The following ZNF385D variants were observed in gnomAD, a reference collection of about 807,000 sequenced individuals.
ZNF385D encodes the protein zinc finger protein 659.
ZNF385D carries 15 observed loss-of-function variants against 35.8 expected under a neutral mutation model. That is an observed-to-expected ratio of 0.42 (90% CI 0.28 to 0.64). The LOEUF (loss-of-function observed/expected upper bound fraction) is 0.64, where lower values mean the gene tolerates loss of function less well. Ranked by LOEUF, ZNF385D falls within the 30% of genes least tolerant of loss-of-function variation. ZNF385D has a pLI of 0.23. For missense variants in ZNF385D, 474 were observed against 494.6 expected (o/e 0.96, Z 0.39); for synonymous variants, 212 against 186.8 (o/e 1.13, Z -1.10).
At chr3:21,701,359 C>T (rs1472040372) in intron 1 of ZNF385D, among the ~76,000 whole-genome samples, 1 of 152,012 alleles carries the variant, frequency 6.6e-6, no homozygotes, top group East Asian at 1.9e-4. Context: ...CGTCAGATCT[C>T]GTGAGACTTA....
chr3:22,133,070 T>G (rs1703894122), intron 3 of ZNF385D, among the ~76,000 whole-genome samples: 1 of 152,170 alleles, frequency 6.6e-6, no homozygotes, highest in African/African-American at 2.4e-5. Context: ...GCTAATTGAC[T>G]TATTAAATGA....
At chr3:21,768,409 C>A (rs1045830892) in intron 3 of ZNF385D, among the ~76,000 whole-genome samples, 10 of 152,004 alleles carry the variant, frequency 6.6e-5, no homozygotes, top group Non-Finnish European at 1.5e-4. Flanking sequence ...CTTTCCCCAC[C>A]TAGACAACAA....
chr3:21,751,034 G>T lies in ZNF385D; in HGVS notation c.-118C>A. ...GGTGGAAATGTCCCCGGCGTGGAGA[G>T]CAGTGAGCGCCGAGAGCGTGCCTCC... On this transcript the variant is annotated 5_prime_UTR_variant, in exon 1 of 8. Transcript: ENST00000281523. The T allele has an allele frequency of 3.2e-6, 5 of 1,579,318 alleles. No homozygotes were observed. Among genetic ancestry groups the T allele is most frequent in the Non-Finnish European group, 4.3e-6 (5 of 1,162,590 alleles).
chr3:21,967,908 A>T (rs1219537418), intron 3 of ZNF385D, among the ~76,000 whole-genome samples: 2 of 152,228 alleles, frequency 1.3e-5, no homozygotes, highest in African/African-American at 4.8e-5. Flanking sequence ...AGAACTAAAA[A>T]TCAGGTGAGC....
At position 22,197,752 on chromosome 3, in the gene ZNF385D, C is replaced by T. The variant is rs570459789; in HGVS notation, c.107-28717G>A. ...TGCATTCTGTTCAGATTCTGGGACT[C>T]ATGACCCTGCATGGTTTAGGATAAG... On this transcript the variant is annotated intron_variant, in intron 2 of 5. Coordinates refer to the ZNF385D transcript ENST00000494108. 6.6e-5 allele frequency among the ~76,000 whole-genome samples: 10 copies of T among 152,216 alleles called. No individual in the cohort carries two copies. In the East Asian group the frequency reaches 7.7e-4, roughly 12 times the overall value.
chr3:22,088,633 C>T (rs1301245831), intron 3 of ZNF385D, among the ~76,000 whole-genome samples: 1 of 152,096 alleles, frequency 6.6e-6, no homozygotes, highest in Non-Finnish European at 1.5e-5. Flanking sequence ...TGTAGATGTG[C>T]CAGAACCTTG....
chr3:22,207,874 A>G (rs1697258656), intron 2 of ZNF385D, among the ~76,000 whole-genome samples: 1 of 151,972 alleles, frequency 6.6e-6, no homozygotes, highest in Admixed American at 6.6e-5. Context: ...CCCAGCTACA[A>G]TGAGATGTCA....
intron 5 of ZNF385D, among the ~76,000 whole-genome samples, chr3:21,426,111 C>T (rs1389302784): frequency 6.6e-6 from 1 of 152,052 alleles, no homozygotes; most frequent in Non-Finnish European, 1.5e-5. Context: ...CAAGTGTAAT[C>T]AGTTTAAACA....
intron 1 of ZNF385D, among the ~76,000 whole-genome samples, chr3:21,749,355 CT>C (rs2069944473): frequency 6.6e-6 from 1 of 152,114 alleles, no homozygotes; most frequent in Non-Finnish European, 1.5e-5. Flanking sequence ...GACTCTACTG[CT>C]ATTCTAATTG....
chr3:21,479,149 TG>T (rs1312074033), intron 4 of ZNF385D, among the ~76,000 whole-genome samples: 8 of 104,890 alleles, frequency 7.6e-5, no homozygotes, highest in Middle Eastern at 3.9e-3. Flanking sequence ...CTAGAAGTAT[TG>T]TTTTTTTTTT....
intron 1 of ZNF385D, among the ~76,000 whole-genome samples, chr3:21,706,221 A>G (rs2067893271): frequency 6.6e-6 from 1 of 152,198 alleles, no homozygotes; most frequent in Non-Finnish European, 1.5e-5. Context: ...TCACACTGGC[A>G]AAACAAAACT....
At position 21,595,481 on chromosome 3, in the gene ZNF385D, G is replaced by A. The variant is rs28620340; in HGVS notation, c.166-30797C>T. Among the ~76,000 whole-genome samples the A allele has an allele frequency of 3.5e-3, 522 of 148,584 alleles. 3 individuals carry two copies. The highest frequency in any genetic ancestry group is 0.012 in the African/African-American group (492 of 40,470). On this transcript the variant is annotated intron_variant, in intron 2 of 7. Coordinates refer to ENST00000281523, the MANE Select transcript of ZNF385D (RefSeq NM_024697.3). ...GTATATGTAATATATAATTATATAT[G>A]TTTATGTAATATATATGTATGTAAT...
chr3:21,665,013 C>T lies in ZNF385D; in HGVS notation c.38G>A (p.Ser13Asn), dbSNP rs766661547. The change falls in exon 2 of 8, where the codon AGT (serine) becomes AAT (asparagine). Residue 13 changes from serine to asparagine, a missense_variant. By Grantham distance (46) the Ser-to-Asn change is conservative (BLOSUM62 1). Transcript: ENST00000281523. ...NIMYFGGTCQ[S>N]PALPALVRPP... ...ACGGACAAGGGCCGGGAGAGCAGGA[C>T]TCTGGCATGTACCACCTGTGAAGAC... 59 of 1,611,116 alleles carry T rather than the reference C, an allele frequency of 3.7e-5. 1 individual carries two copies. In the South Asian group the frequency reaches 6.3e-4, roughly 17 times the overall value.
At chr3:21,980,470 G>C (rs145918510) in intron 3 of ZNF385D, among the ~76,000 whole-genome samples, 3 of 152,140 alleles carry the variant, frequency 2.0e-5, no homozygotes, top group Admixed American at 6.6e-5. Flanking sequence ...GTGAAAAACA[G>C]TGTCATATGA....
intron 3 of ZNF385D, among the ~76,000 whole-genome samples, chr3:21,974,232 AC>A (rs1703452602): frequency 6.6e-6 from 1 of 152,228 alleles, no homozygotes; most frequent in African/African-American, 2.4e-5. Context: ...AGACATATAG[AC>A]CAGTGGAACA....
chr3:22,200,921 C>T (rs117343346), intron 2 of ZNF385D, among the ~76,000 whole-genome samples: 2 of 152,164 alleles, frequency 1.3e-5, no homozygotes, highest in African/African-American at 2.4e-5. Flanking sequence ...TCCCTCAACA[C>T]TGCTGTTACC....
At chr3:22,111,982 G>C (rs540296373) in intron 3 of ZNF385D, among the ~76,000 whole-genome samples, 1 of 152,016 alleles carries the variant, frequency 6.6e-6, no homozygotes, top group Non-Finnish European at 1.5e-5. Flanking sequence ...TAGAAAAGTC[G>C]GCTGTGCTAA....
chr3:21,509,163 T>A (rs1707012734), intron 4 of ZNF385D, among the ~76,000 whole-genome samples: 1 of 152,096 alleles, frequency 6.6e-6, no homozygotes. Flanking sequence ...TTTCATATTT[T>A]AAAAAAGTCA....
intron 3 of ZNF385D, among the ~76,000 whole-genome samples, chr3:21,820,688 A>T (rs2073358827): frequency 6.6e-6 from 1 of 151,792 alleles, no homozygotes; most frequent in African/African-American, 2.4e-5. Flanking sequence ...TCTCGAAAGA[A>T]AAATAGAGGG....
Sources: allele counts gnomAD v4.1 joint callset (sites outside exome capture counted in the v4.1 genomes callset), GRCh38; gene constraint gnomAD v4.1.1; transcripts MANE v1.5; gene names NCBI Gene and HGNC (gene_info 2026-07-23, HGNC 2026-07-21).